Variants in EPB41L4A observed in about 807,000 individuals in gnomAD.
The protein encoded by EPB41L4A is band 4.1-like protein 4A.
EPB41L4A carries 100 observed loss-of-function variants against 108.6 expected under a neutral mutation model. The observed-to-expected ratio is 0.92, with a 90% CI of 0.78 to 1.09. The LOEUF is 1.09. EPB41L4A is among the 50% of genes least tolerant of loss of function. EPB41L4A has a pLI of 0.00. For missense variants in EPB41L4A, 1,030 were observed against 842.7 expected, an observed-to-expected ratio of 1.22 and a Z score of -2.75; for synonymous variants, 319 against 289.0, an observed-to-expected ratio of 1.10 and a Z score of -1.05.
At chr5:112,205,353 A>T in intron 14 of EPB41L4A, 68 bp downstream of exon 14, 1 of 1,324,626 alleles carries the variant, frequency 7.5e-7, no homozygotes, top group Non-Finnish European at 1.1e-6. Context: ...GGATTCCTTT[A>T]TTCAATGAGC....
At chr5:112,260,285 A>G (rs559314936) in intron 7 of EPB41L4A, among the ~76,000 whole-genome samples, 2 of 152,358 alleles carry the variant, frequency 1.3e-5, no homozygotes, top group South Asian at 4.1e-4. Flanking sequence ...GTTCAATCCT[A>G]GCAACATATT....
Position 112,379,006 on chromosome 5 carries a change from C to T in EPB41L4A, c.99+39935G>A, listed in dbSNP as rs138067808. ...TTAGTTATATGCAGGTGTCTATGAG[C>T]GTGCAGGGGTGTACAGATGTGCACA... On this transcript the variant is annotated intron_variant, in intron 1 of 22. Transcript: ENST00000261486. 4.9e-3 allele frequency among the ~76,000 whole-genome samples: 743 copies of T among 152,218 alleles called. 5 individuals are homozygous for T. Among genetic ancestry groups the T allele is most frequent in the African/African-American group, 0.016 (683 of 41,526 alleles).
intron 12 of EPB41L4A, among the ~76,000 whole-genome samples, chr5:112,215,250 T>G (rs1369510052): frequency 2.0e-5 from 3 of 152,230 alleles, no homozygotes; most frequent in Non-Finnish European, 2.9e-5. Flanking sequence ...ACTGGGCTGC[T>G]TCTTAGAATT....
At chr5:112,250,000 C>CA (rs1386887018) in intron 9 of EPB41L4A, among the ~76,000 whole-genome samples, 1 of 144,622 alleles carries the variant, frequency 6.9e-6, no homozygotes, top group Non-Finnish European at 1.5e-5. Context: ...CATAAACAAC[C>CA]CTCTACATAT....
chr5:112,325,767 C>A (rs1756116585), intron 1 of EPB41L4A, among the ~76,000 whole-genome samples: 1 of 152,164 alleles, frequency 6.6e-6, no homozygotes, highest in Non-Finnish European at 1.5e-5. Flanking sequence ...CTTAACCACT[C>A]AGTTTCTCAG....
intron 9 of EPB41L4A, among the ~76,000 whole-genome samples, chr5:112,247,096 C>T (rs1054818013): frequency 3.3e-5 from 5 of 152,134 alleles, no homozygotes; most frequent in Admixed American, 2.0e-4. Flanking sequence ...AATCGCCTAA[C>T]GACTTGTTTC....
At chr5:112,401,000 C>CA (rs1379204923) in intron 1 of EPB41L4A, among the ~76,000 whole-genome samples, 2 of 151,940 alleles carry the variant, frequency 1.3e-5, no homozygotes, top group Non-Finnish European at 2.9e-5. Flanking sequence ...TAAGAAGTTC[C>CA]AAAAAATGAG....
chr5:112,219,893 A>G (rs183183745), intron 12 of EPB41L4A, among the ~76,000 whole-genome samples: 11 of 152,180 alleles, frequency 7.2e-5, no homozygotes, highest in African/African-American at 2.6e-4. Context: ...ATAGGGTTTC[A>G]CCATGTTGGC....
chr5:112,367,906 C>A (rs894281613), intron 1 of EPB41L4A, among the ~76,000 whole-genome samples: 9 of 150,714 alleles, frequency 6.0e-5, no homozygotes, highest in African/African-American at 2.2e-4. Flanking sequence ...AATACTATAA[C>A]CCAAAATTGA....
intron 9 of EPB41L4A, among the ~76,000 whole-genome samples, chr5:112,246,244 G>A (rs1459325703): frequency 1.3e-5 from 2 of 152,134 alleles, no homozygotes; most frequent in African/African-American, 4.8e-5. Flanking sequence ...CTTGGTCAAT[G>A]ATGGATCGCA....
At chr5:112,167,677 G>T (rs1054970747) in intron 22 of EPB41L4A, among the ~76,000 whole-genome samples, 4 of 152,134 alleles carry the variant, frequency 2.6e-5, no homozygotes, top group Admixed American at 2.0e-4. Flanking sequence ...AGCTCCCTGT[G>T]CGGATCAGCT....
intron 12 of EPB41L4A, among the ~76,000 whole-genome samples, chr5:112,221,564 T>G (rs1481965079): frequency 6.6e-6 from 1 of 152,218 alleles, no homozygotes; most frequent in Non-Finnish European, 1.5e-5. Flanking sequence ...ATAAAGCCTT[T>G]AGCACTGTGT....
intron 17 of EPB41L4A, among the ~76,000 whole-genome samples, chr5:112,185,995 A>C (rs1339954221): frequency 6.6e-6 from 1 of 152,046 alleles, no homozygotes; most frequent in African/African-American, 2.4e-5. Flanking sequence ...GGAAGAGACA[A>C]TCACGGGGAA....
intron 1 of EPB41L4A, among the ~76,000 whole-genome samples, chr5:112,380,312 CCT>C (rs1760085800): frequency 6.6e-6 from 1 of 152,062 alleles, no homozygotes; most frequent in African/African-American, 2.4e-5. Flanking sequence ...TTCCTCTCCC[CCT>C]GCTTGTTCAA....
chr5:112,411,970 C>A (rs960414947), intron 1 of EPB41L4A, among the ~76,000 whole-genome samples: 2 of 152,230 alleles, frequency 1.3e-5, no homozygotes, highest in African/African-American at 4.8e-5. Context: ...ACGGCCCCCA[C>A]TGTTCTCTAA....
Position 112,152,275 on chromosome 5 carries a change from T to C in EPB41L4A, n.994+6126A>G, listed in dbSNP as rs2054441. Among the ~76,000 whole-genome samples, 752 of 152,034 alleles carry C rather than the reference T, an allele frequency of 4.9e-3. 6 individuals carry two copies. The highest frequency in any genetic ancestry group is 8.2e-3 in the Non-Finnish European group (555 of 67,928). ...TAGAAATTAAAACAAAGGTATAATA[T>C]TTACATTAAATAAAAGTGAACCAAA... On this transcript the variant is annotated intron_variant and non_coding_transcript_variant, in intron 12 of 13. Transcript: ENST00000507810.
Position 112,279,538 on chromosome 5 carries a change from C to T in EPB41L4A, c.256+734G>A, listed in dbSNP as rs140260343. ...ATGGTTGCACAACAACGTAAATGTA[C>T]CTAATGCCACTGAATTGCACACAAA... On this transcript the variant is annotated intron_variant, in intron 3 of 22. Coordinates refer to ENST00000261486, the MANE Select transcript of EPB41L4A (RefSeq NM_022140.5). Among the ~76,000 whole-genome samples the T allele has an allele frequency of 5.2e-4, 79 of 152,200 alleles. 1 individual carries two copies. The East Asian group carries it at 0.014, about 26-fold the overall frequency.
At chr5:112,196,757 T>C (rs1761983723) in intron 15 of EPB41L4A, 1 of 152,278 alleles carries the variant, frequency 6.6e-6, no homozygotes, top group African/African-American at 2.4e-5. Context: ...ACAAAAGCGG[T>C]GTATTACACT....
chr5:112,342,213 T>C (rs1757363532), intron 1 of EPB41L4A, among the ~76,000 whole-genome samples: 1 of 152,232 alleles, frequency 6.6e-6, no homozygotes, highest in Non-Finnish European at 1.5e-5. Context: ...ACAACATGTA[T>C]GATCAGACAA....
Sources: gnomAD v4.1 joint callset for allele counts (sites outside exome capture counted in the v4.1 genomes callset) on GRCh38, gnomAD v4.1.1 for gene constraint, MANE v1.5 for transcripts, NCBI Gene and HGNC (gene_info 2026-07-23, HGNC 2026-07-21) for gene names.